Variants in CLYBL observed in about 807,000 individuals in gnomAD.
The protein encoded by CLYBL is citramalyl-CoA lyase, mitochondrial.
A neutral mutation model predicts 38.9 loss-of-function variants in CLYBL; 31 were observed. The observed-to-expected ratio is 0.80, with a 90% CI of 0.60 to 1.08. CLYBL has a LOEUF of 1.08. Ranked by LOEUF, CLYBL falls within the 50% of genes least tolerant of loss-of-function variation. CLYBL has a pLI of 0.00. For synonymous variants in CLYBL, 171 were observed against 158.6 expected (o/e 1.08, Z -0.59); for missense variants, 434 against 411.6 (o/e 1.05, Z -0.47).
intron 1 of CLYBL, among the ~76,000 whole-genome samples, chr13:99,650,317 A>T (rs932145731): frequency 6.6e-6 from 1 of 151,994 alleles, no homozygotes; most frequent in African/African-American, 2.4e-5. Context: ...AGCTACTGGG[A>T]AGGCTAAGGC....
intron 1 of CLYBL, among the ~76,000 whole-genome samples, chr13:99,675,452 A>G (rs928445534): frequency 7.2e-5 from 11 of 152,208 alleles, no homozygotes; most frequent in African/African-American, 2.7e-4. Context: ...AACCATCACC[A>G]TGATTAATTT....
At chr13:99,759,504 A>C (rs537147906) in intron 1 of CLYBL, among the ~76,000 whole-genome samples, 1 of 152,124 alleles carries the variant, frequency 6.6e-6, no homozygotes, top group African/African-American at 2.4e-5. Context: ...TGGTGAGGCA[A>C]CAAGTTAACA....
chr13:99,808,334 C>A (rs2050273225), intron 2 of CLYBL, among the ~76,000 whole-genome samples: 1 of 152,104 alleles, frequency 6.6e-6, no homozygotes, highest in Non-Finnish European at 1.5e-5. Flanking sequence ...GATCAGCCTG[C>A]CTCGGCCTCC....
intron 1 of CLYBL, among the ~76,000 whole-genome samples, chr13:99,646,679 A>ATTTTTTTTTT (rs1176000168): frequency 7.8e-6 from 1 of 128,858 alleles, no homozygotes; most frequent in African/African-American, 3.0e-5. Context: ...CACCTGGCTA[A>ATTTTTTTTTT]TTTTTTTTTT....
chr13:99,847,602 G>A (rs2051236405), intron 2 of CLYBL, among the ~76,000 whole-genome samples: 1 of 152,184 alleles, frequency 6.6e-6, no homozygotes, highest in Non-Finnish European at 1.5e-5. Flanking sequence ...GGGTCCACAT[G>A]CTACCATACT....
chr13:99,810,353 A>C (rs1410527327), intron 2 of CLYBL, among the ~76,000 whole-genome samples: 2 of 152,228 alleles, frequency 1.3e-5, no homozygotes, highest in African/African-American at 4.8e-5. Context: ...CCCTGTGGAA[A>C]TGCCATTTGA....
chr13:99,614,687 C>G (rs2046681486), intron 1 of CLYBL, among the ~76,000 whole-genome samples: 1 of 152,108 alleles, frequency 6.6e-6, no homozygotes, highest in Non-Finnish European at 1.5e-5. Context: ...TACCGTTATC[C>G]TGTGGTAGAG....
chr13:99,656,483 CTT>C (rs532510672), intron 1 of CLYBL, among the ~76,000 whole-genome samples: 4 of 152,292 alleles, frequency 2.6e-5, no homozygotes, highest in African/African-American at 9.6e-5. Context: ...TCATTTTTCT[CTT>C]AACATTTAGT....
At chr13:99,905,540 C>G (rs1400429218) in intron 9 of CLYBL, among the ~76,000 whole-genome samples, 2 of 152,156 alleles carry the variant, frequency 1.3e-5, no homozygotes, top group African/African-American at 4.8e-5. Context: ...TCCACCCTCC[C>G]CCACCTCCAT....
chr13:99,725,432 A>G (rs1286387145), intron 1 of CLYBL, among the ~76,000 whole-genome samples: 1 of 152,176 alleles, frequency 6.6e-6, no homozygotes, highest in Non-Finnish European at 1.5e-5. Context: ...GTTGTGGGAA[A>G]GTTGAAGATT....
intron 2 of CLYBL, among the ~76,000 whole-genome samples, chr13:99,797,366 A>T (rs1194005012): frequency 6.6e-6 from 1 of 152,198 alleles, no homozygotes; most frequent in Non-Finnish European, 1.5e-5. Context: ...AATAACTCTG[A>T]ACTGTCTCTT....
At chr13:99,775,478 C>T (rs1376500213) in intron 2 of CLYBL, among the ~76,000 whole-genome samples, 2 of 152,144 alleles carry the variant, frequency 1.3e-5, no homozygotes, top group South Asian at 2.1e-4. Context: ...GCTAGACATA[C>T]TGTTTTAGGC....
intron 1 of CLYBL, among the ~76,000 whole-genome samples, chr13:99,661,432 C>G (rs569243158): frequency 4.7e-4 from 72 of 152,204 alleles, no homozygotes; most frequent in African/African-American, 1.7e-3. Flanking sequence ...TTTTTCTATT[C>G]TGTTGCAAAA....
intron 1 of CLYBL, among the ~76,000 whole-genome samples, chr13:99,693,632 C>A (rs1594123417): frequency 6.6e-6 from 1 of 151,832 alleles, no homozygotes; most frequent in Non-Finnish European, 1.5e-5. Flanking sequence ...CAAGCAGAGG[C>A]AAGGCTGGTG....
At chr13:99,817,312 GA>G (rs938815179) in intron 2 of CLYBL, among the ~76,000 whole-genome samples, 3 of 152,166 alleles carry the variant, frequency 2.0e-5, no homozygotes, top group African/African-American at 7.2e-5. Flanking sequence ...GACGAAAGGA[GA>G]GGGGAGGAGA....
At chr13:99,861,676 A>G (rs1027179784) in intron 3 of CLYBL, among the ~76,000 whole-genome samples, 1 of 152,188 alleles carries the variant, frequency 6.6e-6, no homozygotes, top group Non-Finnish European at 1.5e-5. Context: ...GGGCAGTGGG[A>G]GCAACTGGGA....
At chr13:99,613,063 T>TAAC (rs1555344136) in intron 1 of CLYBL, among the ~76,000 whole-genome samples, 10 of 147,880 alleles carry the variant, frequency 6.8e-5, no homozygotes, top group African/African-American at 2.2e-4. Context: ...ATAATAATAA[T>TAAC]AACAAAATTC....
intron 2 of CLYBL, among the ~76,000 whole-genome samples, chr13:99,856,145 C>G (rs1594225808): frequency 6.6e-6 from 1 of 152,200 alleles, no homozygotes; most frequent in Non-Finnish European, 1.5e-5. Context: ...GCTAAGTAAA[C>G]TGGAATGTGC....
chr13:99,637,723 A>G (rs905700559), intron 1 of CLYBL, among the ~76,000 whole-genome samples: 1 of 152,250 alleles, frequency 6.6e-6, no homozygotes, highest in Non-Finnish European at 1.5e-5. Context: ...GCGCCACTGC[A>G]TTCCAGCCTG....
Sources: allele counts gnomAD v4.1 joint callset (sites outside exome capture counted in the v4.1 genomes callset), GRCh38; gene constraint gnomAD v4.1.1; transcripts MANE v1.5; gene names NCBI Gene and HGNC (gene_info 2026-07-23, HGNC 2026-07-21).